Variants in SCAMP4 observed in about 807,000 individuals in gnomAD.
SCAMP4 encodes the protein secretory carrier membrane protein 4.
SCAMP4 carries 19 observed loss-of-function variants against 32.1 expected under a neutral mutation model. That is an observed-to-expected ratio of 0.59 (90% CI 0.41 to 0.87). The LOEUF is 0.87. SCAMP4 is among the 40% of genes least tolerant of loss of function. The pLI is 0.00. For missense variants in SCAMP4, 302 were observed against 309.0 expected, an observed-to-expected ratio of 0.98 and a Z score of 0.17; for synonymous variants, 152 against 132.7, an observed-to-expected ratio of 1.15 and a Z score of -1.00.
intron 1 of SCAMP4, chr19:1,912,357 C>CA: frequency 6.5e-7 from 1 of 1,530,170 alleles, no homozygotes; most frequent in Non-Finnish European, 8.7e-7. Context: ...CGGCAGCCCC[C>CA]ACGCCCTGGA....
rs915586369 is a variant in SCAMP4, at chr19:1,918,302, G to T, written c.293+19G>T. On this transcript the variant is annotated intron_variant, in intron 4 of 6. Coordinates refer to ENST00000316097, the MANE Select transcript of SCAMP4 (RefSeq NM_079834.4). ...CCTTCCGGTGAGCAGAGCTGCCGGG[G>T]GCCGTCTGCACCCAGAGGGAACCAG... 12 of 1,577,194 alleles carry T rather than the reference G, an allele frequency of 7.6e-6. No individual in the cohort carries two copies. In the African/African-American group the frequency reaches 1.5e-4, roughly 19 times the overall value.
At chr19:1,918,789 A>G (rs1005614897) in intron 4 of SCAMP4, 100 bp from the exon 5 acceptor site, 5 of 1,448,028 alleles carry the variant, frequency 3.5e-6, no homozygotes, top group Admixed American at 2.6e-5. Flanking sequence ...AATAAAATAG[A>G]GCCTCCGCTC....
At chr19:1,920,140 AT>A (rs954390827) in intron 5 of SCAMP4, 2 of 985,196 alleles carry the variant, frequency 2.0e-6, no homozygotes, top group Non-Finnish European at 1.2e-6. Flanking sequence ...TAGGCTTTTT[AT>A]TTTGGAATAA....
At chr19:1,906,160 G>A (rs2013102502) in intron 1 of SCAMP4, 1 of 151,940 alleles carries the variant, frequency 6.6e-6, no homozygotes, top group African/African-American at 2.4e-5. Flanking sequence ...CGGAGTTCGA[G>A]ACCAGCCTGT....
rs866874255 is a variant in SCAMP4, at chr19:1,912,512, C to T, written c.-41-2467C>T. On this transcript the variant is annotated intron_variant, in intron 1 of 6. Coordinates refer to ENST00000316097, the MANE Select transcript of SCAMP4 (RefSeq NM_079834.4). ...GGCCGCCTCTGACCAGGGGCCAGTT[C>T]GAGGAGGCCCGGGCCCACTGGCCCA... 4.7e-6 allele frequency: 7 copies of T among 1,494,134 alleles called. No homozygotes were observed. Among genetic ancestry groups the T allele is most frequent in the African/African-American group, 2.9e-5 (2 of 68,544 alleles). The allele number at this position is 1,494,134 out of a possible 1,614,324, so 92.6% of individuals were successfully genotyped here.
chr19:1,921,453 G>T (rs940460527), intron 5 of SCAMP4: 1 of 985,278 alleles, frequency 1.0e-6, no homozygotes, highest in Admixed American at 6.1e-5. Flanking sequence ...TGCAGCAGGG[G>T]CCCCCGGTGG....
rs71174396 is a variant in SCAMP4, at chr19:1,925,910, A to ACCCCCCCCCCCCCCCC, written c.*1635_*1636insCCCCCCCCCCCCCCCC. 8.9e-6 allele frequency: 1 copy of ACCCCCCCCCCCCCCCC among 112,704 alleles called. No individual in the cohort carries two copies. The highest frequency in any genetic ancestry group is 1.7e-5 in the Non-Finnish European group (1 of 58,984). 7.0% of individuals were successfully genotyped at this position (112,704 alleles called of 1,614,324 possible). ...GACAAAATCTCACCTGGCAGGCCCA[A>ACCCCCCCCCCCCCCCC]CCCCCCCCCACCCCTCCCCCGCCGT... On this transcript the variant is annotated 3_prime_UTR_variant, in exon 7 of 7. Coordinates refer to ENST00000316097, the MANE Select transcript of SCAMP4 (RefSeq NM_079834.4).
Position 1,924,131 on chromosome 19 carries a change from T to C in SCAMP4, c.537T>C (p.Ala179=), listed in dbSNP as rs764551418. The change falls in exon 7 of 7, where the codon GCT becomes GCC. Residue 179 remains alanine, a synonymous_variant. Transcript: ENST00000316097. ...AGGTGCACAGGATCTACCGAGGGGC[T>C]GGCGGAAGCTTCCAGAAGGCACAGA... ...IMKVHRIYRG[A]GGSFQKAQTE... 6.8e-6 allele frequency: 11 copies of C among 1,610,898 alleles called. No homozygotes were observed. Among genetic ancestry groups the C allele is most frequent in the Non-Finnish European group, 9.3e-6 (11 of 1,178,902 alleles).
At chr19:1,914,464 G>T in intron 1 of SCAMP4, 1 of 176,756 alleles carries the variant, frequency 5.7e-6, no homozygotes. Context: ...TGCTGGGCTG[G>T]CCCACCTCCC....
chr19:1,923,571 G>GT (rs1230193187), intron 6 of SCAMP4, among the ~76,000 whole-genome samples: 2 of 146,616 alleles, frequency 1.4e-5, no homozygotes, highest in Non-Finnish European at 3.0e-5. Flanking sequence ...TAGCGGAAGT[G>GT]TTGAGCTGGG....
At chr19:1,917,171 T>C (rs948925198) in intron 2 of SCAMP4, among the ~76,000 whole-genome samples, 1 of 151,634 alleles carries the variant, frequency 6.6e-6, no homozygotes, top group Non-Finnish European at 1.5e-5. Flanking sequence ...CCGGGTGTGG[T>C]GGTGGGCGCC....
At chr19:1,912,858 G>T (rs371998480) in intron 1 of SCAMP4, 3 of 1,597,846 alleles carry the variant, frequency 1.9e-6, no homozygotes, top group Admixed American at 1.7e-5. Context: ...CGCCCCGGCC[G>T]CTGCCCCCCA....
intron 5 of SCAMP4, chr19:1,920,202 G>A (rs1019406980): frequency 6.1e-6 from 6 of 985,230 alleles, no homozygotes; most frequent in South Asian, 4.7e-5. Context: ...CGTCCCCGAC[G>A]TGTCTCCCTT....
At chr19:1,912,145 G>T in intron 1 of SCAMP4, 1 of 1,563,098 alleles carries the variant, frequency 6.4e-7, no homozygotes. Flanking sequence ...TTGGAGGCCG[G>T]GAGCCCGGAG....
At chr19:1,917,913 G>C in intron 3 of SCAMP4, 91 bp downstream of exon 3, 1 of 1,545,912 alleles carries the variant, frequency 6.5e-7, no homozygotes. Flanking sequence ...CCCGTCGGGG[G>C]CCCACCGTCT....
intron 4 of SCAMP4, 80 bp from the exon 5 acceptor site, chr19:1,918,809 C>T: frequency 5.9e-6 from 9 of 1,537,632 alleles, no homozygotes; most frequent in South Asian, 4.8e-5. Flanking sequence ...CTCACCATCT[C>T]TGACTGGCCC....
intron 2 of SCAMP4, 124 bp from the exon 3 acceptor site, chr19:1,917,570 T>A (rs2013773420): frequency 9.4e-7 from 1 of 1,065,252 alleles, no homozygotes. Context: ...CGTCCTGCCC[T>A]CAATCCCAAC....
chr19:1,922,043 C>T, intron 5 of SCAMP4: 1 of 985,472 alleles, frequency 1.0e-6, no homozygotes, highest in Non-Finnish European at 1.2e-6. Context: ...GGGGAGTCAG[C>T]AGGAGAGAGA....
chr19:1,916,075 C>T (rs1207650351), intron 2 of SCAMP4, among the ~76,000 whole-genome samples: 6 of 151,584 alleles, frequency 4.0e-5, no homozygotes, highest in African/African-American at 1.5e-4. Flanking sequence ...GAAACCCCAT[C>T]CCTACTAAAA....
Sources: gnomAD v4.1 joint callset for allele counts (sites outside exome capture counted in the v4.1 genomes callset) on GRCh38, gnomAD v4.1.1 for gene constraint, MANE v1.5 for transcripts, NCBI Gene and HGNC (gene_info 2026-07-23, HGNC 2026-07-21) for gene names.